Variants in MRE11 observed in about 807,000 individuals in gnomAD.
MRE11 encodes double-strand break repair protein MRE11.
Under a neutral mutation model 91.7 loss-of-function variants are expected in MRE11, and 62 were observed. The observed-to-expected ratio is 0.68, with a 90% CI of 0.55 to 0.84. MRE11 has a LOEUF of 0.84. Ranked by LOEUF, MRE11 falls within the 40% of genes least tolerant of loss-of-function variation. MRE11 has a pLI of 0.00. For synonymous variants in MRE11, 273 were observed against 271.4 expected (o/e 1.01, Z -0.06); for missense variants, 796 against 852.9 (o/e 0.93, Z 0.83).
At chr11:94,481,825 A>G (rs1298504112) in intron 4 of MRE11, among the ~76,000 whole-genome samples, 1 of 152,226 alleles carries the variant, frequency 6.6e-6, no homozygotes, top group Non-Finnish European at 1.5e-5. Flanking sequence ...ATTGGCTACT[A>G]ACTCCTTAGT....
chr11:94,441,247 C>A (rs1945772045), intron 16 of MRE11, among the ~76,000 whole-genome samples: 1 of 152,200 alleles, frequency 6.6e-6, no homozygotes, highest in African/African-American at 2.4e-5. Flanking sequence ...TATACCACAC[C>A]TTGCTCTTGT....
rs1208841241 is a variant in MRE11, at chr11:94,485,891, T to C, written c.314+33A>G. On this transcript the variant is annotated intron_variant, in intron 4 of 19. Coordinates refer to ENST00000323929, the MANE Select transcript of MRE11 (RefSeq NM_005591.4). ...TTATACAGCAAATACCATACACAAG[T>C]AATCACTCACTCAAGTAAATAAATA... 1.9e-6 allele frequency: 3 copies of C among 1,599,908 alleles called. No homozygotes were observed. In the African/African-American group the frequency reaches 4.0e-5, roughly 21 times the overall value.
At chr11:94,503,954 T>C in the MRE11 span, among the ~76,000 whole-genome samples, 1 of 151,532 alleles carries the variant, frequency 6.6e-6, no homozygotes, top group African/African-American at 2.4e-5. Flanking sequence ...ATATAGATAA[T>C]TAATTTTTGA....
chr11:94,481,119 G>A (rs1947001766), intron 4 of MRE11, among the ~76,000 whole-genome samples: 1 of 152,116 alleles, frequency 6.6e-6, no homozygotes, highest in Non-Finnish European at 1.5e-5. Context: ...GATGAGCCTG[G>A]CCAACATGGT....
intron 16 of MRE11, among the ~76,000 whole-genome samples, chr11:94,444,678 C>A (rs1206368635): frequency 6.6e-6 from 1 of 152,172 alleles, no homozygotes; most frequent in African/African-American, 2.4e-5. Context: ...AACTCACATA[C>A]CTCTCACAAC....
At chr11:94,440,890 G>C (rs1051946713) in intron 16 of MRE11, among the ~76,000 whole-genome samples, 1 of 152,118 alleles carries the variant, frequency 6.6e-6, no homozygotes, top group African/African-American at 2.4e-5. Context: ...CTATGTGCTT[G>C]GAAGCTCCAG....
intron 6 of MRE11, 98 bp downstream of exon 6, chr11:94,478,637 G>T: frequency 1.4e-6 from 2 of 1,381,698 alleles, no homozygotes; most frequent in Non-Finnish European, 2.0e-6. Context: ...AATAAGGTTT[G>T]CCCCATTTTT....
At position 94,445,910 on chromosome 11, in the gene MRE11, C is replaced by A. The variant is rs750352771; in HGVS notation, c.1784-17G>T. The stretch of plus-strand genomic sequence containing the variant: ...CAGTGTCTGCTGTTAGAAAAATGAA[C>A]AGTCAATGTACAAGCCTATCAGCAG... On this transcript the variant is annotated splice_polypyrimidine_tract_variant and intron_variant, in intron 15 of 19. Transcript: ENST00000323929. 15 of 1,584,638 alleles carry A rather than the reference C, an allele frequency of 9.5e-6. No individual in the cohort carries two copies. Among genetic ancestry groups the A allele is most frequent in the Non-Finnish European group, 1.3e-5 (15 of 1,153,246 alleles).
chr11:94,427,874 C>T (rs1454575357), intron 19 of MRE11, among the ~76,000 whole-genome samples: 1 of 152,116 alleles, frequency 6.6e-6, no homozygotes, highest in East Asian at 1.9e-4. Context: ...CTATGAAACA[C>T]TGCTGAAAGA....
In MRE11 at chr11:94,470,061, G is replaced by A. The variant is rs980486180; in HGVS notation, c.1017+410C>T. Among the ~76,000 whole-genome samples the A allele has an allele frequency of 2.0e-5, 3 of 152,078 alleles. No individual in the cohort carries two copies. The South Asian group carries it at 6.2e-4, about 31-fold the overall frequency. On this transcript the variant is annotated intron_variant, in intron 9 of 19. Coordinates refer to ENST00000323929, the MANE Select transcript of MRE11 (RefSeq NM_005591.4). ...CACATTTCATTTGGGGTAGCTTTCA[G>A]GGTGAAAGGGACGCCTAATACAGAT...
chr11:94,426,053 T>G (rs72980410), intron 19 of MRE11, among the ~76,000 whole-genome samples: 7,261 of 152,264 alleles, frequency 0.048, 241 homozygotes, highest in Non-Finnish European at 0.074. Context: ...ACAGAACATA[T>G]TCTAAGATAG....
At chr11:94,452,257 AC>A (rs1257628961) in intron 14 of MRE11, among the ~76,000 whole-genome samples, 3 of 152,256 alleles carry the variant, frequency 2.0e-5, no homozygotes, top group Middle Eastern at 3.4e-3. Context: ...ATGTGGCCAA[AC>A]AAAATGACCA....
At chr11:94,496,860 A>T, upstream of MRE11, 1 of 1,613,996 alleles carries the variant, frequency 6.2e-7, no homozygotes, top group South Asian at 1.1e-5. Context: ...GAGGAGCAAG[A>T]TGACAAAAAT....
At chr11:94,437,261 A>C (rs1178101390) in intron 16 of MRE11, 26 bp from the exon 17 acceptor site, 1 of 1,605,690 alleles carries the variant, frequency 6.2e-7, no homozygotes, top group East Asian at 2.2e-5. Context: ...TGAAATGTGC[A>C]TTATGTTATT....
intron 14 of MRE11, among the ~76,000 whole-genome samples, chr11:94,453,951 A>C (rs1293035386): frequency 2.6e-5 from 4 of 152,178 alleles, no homozygotes; most frequent in African/African-American, 9.6e-5. Flanking sequence ...AAAAAAACAC[A>C]AGAATATGTG....
intron 16 of MRE11, among the ~76,000 whole-genome samples, chr11:94,444,141 T>C (rs563330258): frequency 1.3e-5 from 2 of 152,186 alleles, no homozygotes; most frequent in South Asian, 4.2e-4. Flanking sequence ...TCTCCTGAGC[T>C]CAGGCAATCC....
At chr11:94,451,150 G>A (rs992402150) in intron 14 of MRE11, among the ~76,000 whole-genome samples, 1 of 151,660 alleles carries the variant, frequency 6.6e-6, no homozygotes, top group Non-Finnish European at 1.5e-5. Context: ...TTAGCTGGGA[G>A]TGGTAGCACA....
chr11:94,501,440 T>C, the MRE11 span, among the ~76,000 whole-genome samples: 1 of 152,188 alleles, frequency 6.6e-6, no homozygotes, highest in Non-Finnish European at 1.5e-5. Flanking sequence ...AGAGCCATAT[T>C]AAAAACAGGT....
chr11:94,454,466 A>C (rs1368242631), intron 14 of MRE11, among the ~76,000 whole-genome samples: 2 of 152,184 alleles, frequency 1.3e-5, no homozygotes, highest in East Asian at 3.9e-4. Flanking sequence ...GCTGGGATTC[A>C]TATTCTAAGC....
Sources: gnomAD v4.1 joint callset for allele counts (sites outside exome capture counted in the v4.1 genomes callset) on GRCh38, gnomAD v4.1.1 for gene constraint, MANE v1.5 for transcripts, NCBI Gene and HGNC (gene_info 2026-07-23, HGNC 2026-07-21) for gene names.